The following EIF2B3 variants were observed in gnomAD, a reference collection of about 807,000 sequenced individuals.
EIF2B3 encodes the protein translation initiation factor eIF2B subunit gamma.
In EIF2B3, 20 loss-of-function variants were observed where a neutral mutation model predicts 54.1. The ratio of observed to expected loss-of-function variants is 0.37; its 90% confidence interval spans 0.26 to 0.54. EIF2B3 has a LOEUF of 0.54. Among genes scored for constraint, EIF2B3 ranks in the 20% least tolerant of loss-of-function variants. EIF2B3 has a pLI of 0.86. For synonymous variants in EIF2B3, 153 were observed against 188.1 expected (o/e 0.81, Z 1.52); for missense variants, 448 against 547.8 (o/e 0.82, Z 1.82).
chr1:44,886,610 C>T (rs1655592937), intron 6 of EIF2B3, among the ~76,000 whole-genome samples: 1 of 152,212 alleles, frequency 6.6e-6, no homozygotes, highest in African/African-American at 2.4e-5. Flanking sequence ...GAAAACCTAA[C>T]TTAGGAGTAT....
chr1:44,859,237 G>A (rs919708970), intron 10 of EIF2B3, among the ~76,000 whole-genome samples: 1 of 152,214 alleles, frequency 6.6e-6, no homozygotes, highest in African/African-American at 2.4e-5. Context: ...GGAGGTAGAG[G>A]CTGCAGTGAA....
At chr1:44,858,665 A>T (rs923768079) in intron 10 of EIF2B3, among the ~76,000 whole-genome samples, 2 of 151,970 alleles carry the variant, frequency 1.3e-5, no homozygotes, top group Non-Finnish European at 2.9e-5. Flanking sequence ...GGGTTTCACC[A>T]TGTTGGCCAG....
intron 5 of EIF2B3, among the ~76,000 whole-genome samples, chr1:44,923,831 T>C (rs190438526): frequency 1.4e-4 from 22 of 151,902 alleles, no homozygotes; most frequent in Admixed American, 7.9e-4. Context: ...TGAGACAGGG[T>C]CTCACTCTGT....
At chr1:44,952,108 G>A (rs1644170023) in intron 3 of EIF2B3, among the ~76,000 whole-genome samples, 3 of 135,412 alleles carry the variant, frequency 2.2e-5, no homozygotes, top group South Asian at 2.4e-4. Flanking sequence ...GACTACAGGC[G>A]CCCGCCACTA....
At chr1:44,862,953 T>C (rs1441395272) in intron 10 of EIF2B3, 1 of 152,238 alleles carries the variant, frequency 6.6e-6, no homozygotes, top group African/African-American at 2.4e-5. Context: ...GTGGTATTTA[T>C]TCCAATTTTT....
chr1:44,865,248 C>A (rs1320987205), intron 10 of EIF2B3, among the ~76,000 whole-genome samples: 1 of 150,042 alleles, frequency 6.7e-6, no homozygotes, highest in Non-Finnish European at 1.5e-5. Context: ...TGAAGCCAGC[C>A]TGATTTTCTC....
At chr1:44,876,167 A>G (rs1655130087) in intron 8 of EIF2B3, among the ~76,000 whole-genome samples, 1 of 152,050 alleles carries the variant, frequency 6.6e-6, no homozygotes, top group African/African-American at 2.4e-5. Flanking sequence ...TTGGCCTCCC[A>G]AAGAGCTGAG....
chr1:44,981,152 A>G lies in EIF2B3; in HGVS notation c.17T>C (p.Val6Ala), dbSNP rs1644508900. 6.2e-7 allele frequency: 1 copy of G among 1,613,030 alleles called. No homozygotes were observed. The highest frequency in any genetic ancestry group is 1.3e-5 in the African/African-American group (1 of 74,626). The stretch of plus-strand genomic sequence containing the variant: ...AGATCCTCCACCTACTGCCATCACT[A>G]CTGCTTGAAATTCCATTTTTACAAA... Reference protein sequence around the residue: MEFQAVVMAVGGGSRM... With the variant: MEFQAAVMAVGGGSRM... Residue 6 changes from valine (V) to alanine (A), a missense_variant, in exon 2 of 12, where the codon GTA (valine) becomes GCA (alanine). Transcript: ENST00000360403.
intron 5 of EIF2B3, 113 bp downstream of exon 5, chr1:44,926,515 G>A (rs1311541128): frequency 3.7e-6 from 3 of 802,772 alleles, no homozygotes; most frequent in African/African-American, 3.4e-5. Flanking sequence ...ACATACTTTT[G>A]TCAATTTCAC....
intron 3 of EIF2B3, among the ~76,000 whole-genome samples, chr1:44,975,077 G>A (rs145369084): frequency 7.9e-5 from 12 of 152,206 alleles, no homozygotes; most frequent in African/African-American, 2.9e-4. Flanking sequence ...AATTAGCTGT[G>A]CATGGTAGCA....
chr1:44,909,999 T>C (rs1643481972), intron 5 of EIF2B3, among the ~76,000 whole-genome samples: 1 of 152,224 alleles, frequency 6.6e-6, no homozygotes, highest in South Asian at 2.1e-4. Context: ...CAAGATGACC[T>C]TGTGAACATT....
At chr1:44,961,204 T>C (rs1644281534) in intron 3 of EIF2B3, among the ~76,000 whole-genome samples, 1 of 148,998 alleles carries the variant, frequency 6.7e-6, no homozygotes, top group African/African-American at 2.5e-5. Context: ...CTGGGAGTGG[T>C]GGTGAGTACC....
intron 5 of EIF2B3, among the ~76,000 whole-genome samples, chr1:44,911,959 T>C (rs963142112): frequency 6.6e-6 from 1 of 150,690 alleles, no homozygotes; most frequent in African/African-American, 2.4e-5. Flanking sequence ...ATGCGGTGTT[T>C]GGTTTTTTGT....
At chr1:44,947,909 A>G (rs997472521) in intron 3 of EIF2B3, among the ~76,000 whole-genome samples, 4 of 151,802 alleles carry the variant, frequency 2.6e-5, no homozygotes, top group African/African-American at 7.3e-5. Flanking sequence ...GTCTCCCTAT[A>G]TTGCCCAGGC....
At chr1:44,896,386 G>C (rs1557675240) in intron 6 of EIF2B3, among the ~76,000 whole-genome samples, 1 of 152,178 alleles carries the variant, frequency 6.6e-6, no homozygotes, top group African/African-American at 2.4e-5. Flanking sequence ...GGGGGTGACA[G>C]GTAGGACACT....
intron 5 of EIF2B3, among the ~76,000 whole-genome samples, chr1:44,903,926 A>G (rs1344762183): frequency 6.6e-6 from 1 of 152,148 alleles, no homozygotes; most frequent in Non-Finnish European, 1.5e-5. Flanking sequence ...CTACAAAAAA[A>G]ATTAGCCAGG....
chr1:44,867,107 T>C (rs1317517720), intron 10 of EIF2B3, among the ~76,000 whole-genome samples: 2 of 152,168 alleles, frequency 1.3e-5, no homozygotes, highest in African/African-American at 4.8e-5. Context: ...GGTCTACACT[T>C]GCTAACTGCA....
chr1:44,918,995 T>A (rs1289546070), intron 5 of EIF2B3, among the ~76,000 whole-genome samples: 9 of 152,234 alleles, frequency 5.9e-5, no homozygotes, highest in South Asian at 2.1e-4. Context: ...CATTCCAAAG[T>A]AATTAAATCA....
intron 5 of EIF2B3, among the ~76,000 whole-genome samples, chr1:44,901,278 A>G (rs1643292094): frequency 6.6e-6 from 1 of 151,882 alleles, no homozygotes; most frequent in East Asian, 1.9e-4. Flanking sequence ...ACCATGCCCA[A>G]CTAATTTTTG....
Sources: gnomAD v4.1 joint callset for allele counts (sites outside exome capture counted in the v4.1 genomes callset) on GRCh38, gnomAD v4.1.1 for gene constraint, MANE v1.5 for transcripts, NCBI Gene and HGNC (gene_info 2026-07-23, HGNC 2026-07-21) for gene names.